NLRP3: variants seen among roughly 807,000 people sequenced by gnomAD.
NLRP3 encodes the protein NACHT, LRR and PYD domains-containing protein 3.
A neutral mutation model predicts 91.3 loss-of-function variants in NLRP3; 48 were observed. The observed-to-expected ratio is 0.53, with a 90% CI of 0.42 to 0.67. NLRP3 has a LOEUF of 0.67. Ranked by LOEUF, NLRP3 falls within the 30% of genes least tolerant of loss-of-function variation. The pLI, the probability that NLRP3 is intolerant of heterozygous loss-of-function variation, is 0.00. For synonymous variants in NLRP3, 561 were observed against 507.9 expected, an observed-to-expected ratio of 1.10 and a Z score of -1.41; for missense variants, 982 against 1,276.9, an observed-to-expected ratio of 0.77 and a Z score of 3.52.
intron 6 of NLRP3, 98 bp downstream of exon 6, chr1:247,434,371 T>C: frequency 1.5e-6 from 2 of 1,334,202 alleles, no homozygotes; most frequent in Non-Finnish European, 2.2e-6. Context: ...TGAGTGAGAA[T>C]GGCCTTGGCG....
Position 247,444,027 on chromosome 1 carries a change from A to G in NLRP3, c.2719A>G (p.Ser907Gly), listed in dbSNP as rs1289795734. 6.2e-7 allele frequency: 1 copy of G among 1,614,212 alleles called. No individual in the cohort carries two copies. The highest frequency in any genetic ancestry group is 1.1e-5 in the South Asian group (1 of 91,082). ...VCCSALSSVL[S>G]TNQNLTHLYL... ...TTGTTCAGCTTTGTCCTCGGTACTC[A>G]GCACTAATCAGAATCTCACGCACCT... The change falls in exon 8 of 10, where the codon AGC (serine) becomes GGC (glycine). Residue 907 changes from serine to glycine, a missense_variant. Transcript: ENST00000336119.
chr1:247,416,968 G>A (rs1662109884), intron 1 of NLRP3, among the ~76,000 whole-genome samples: 1 of 152,168 alleles, frequency 6.6e-6, no homozygotes, highest in African/African-American at 2.4e-5. Context: ...AGGGATCAAG[G>A]AGGGAACAAT....
In NLRP3 at chr1:247,448,516, G is replaced by C; in HGVS notation, c.*12G>C. On this transcript the variant is annotated 3_prime_UTR_variant, in exon 10 of 10. Transcript: ENST00000336119. ...AGCCTTCTTGGTAGGAGTGGAAACGGGGCTGCCAGACGCCAGTGTTCTCCG... is the reference window on the plus strand; with the variant it reads ...AGCCTTCTTGGTAGGAGTGGAAACGCGGCTGCCAGACGCCAGTGTTCTCCG... The C allele has an allele frequency of 6.4e-7, 1 of 1,555,394 alleles. No homozygotes were observed. Among genetic ancestry groups the C allele is most frequent in the Non-Finnish European group, 8.9e-7 (1 of 1,126,394 alleles).
chr1:247,430,049 T>A (rs1253279572), intron 5 of NLRP3, among the ~76,000 whole-genome samples: 1 of 152,026 alleles, frequency 6.6e-6, no homozygotes, highest in Non-Finnish European at 1.5e-5. Flanking sequence ...TAATTTTTTG[T>A]ATTTTTAGTA....
At chr1:247,440,529 T>C (rs1442771008) in intron 7 of NLRP3, among the ~76,000 whole-genome samples, 1 of 152,228 alleles carries the variant, frequency 6.6e-6, no homozygotes, top group Non-Finnish European at 1.5e-5. Flanking sequence ...CACAAGGCTG[T>C]CCCTGATACT....
At chr1:247,447,972 A>T (rs1419983626) in intron 9 of NLRP3, among the ~76,000 whole-genome samples, 1 of 151,140 alleles carries the variant, frequency 6.6e-6, no homozygotes, top group African/African-American at 2.4e-5. Flanking sequence ...CCAACTAGAT[A>T]GTTAAAAATA....
At position 247,418,747 on chromosome 1, in the gene NLRP3, G is replaced by T. The variant is rs1338377176; in HGVS notation, c.-54G>T. On this transcript the variant is annotated 5_prime_UTR_variant, in exon 2 of 10. Transcript: ENST00000336119. Reference sequence around the variant, plus strand: ...CATCCGTGTGCCGTGTTCACTGCCTGGTATCTTAGTGTGGACCGAAGCCTA... The same window carrying T: ...CATCCGTGTGCCGTGTTCACTGCCTTGTATCTTAGTGTGGACCGAAGCCTA... 1 of 1,609,084 alleles carries T rather than the reference G, an allele frequency of 6.2e-7. No homozygotes were observed. Among genetic ancestry groups the T allele is most frequent in the Non-Finnish European group, 8.5e-7 (1 of 1,177,124 alleles).
Position 247,418,643 on chromosome 1 carries a change from T to C in NLRP3, c.-158T>C. 1 of 920,376 alleles carries C rather than the reference T, an allele frequency of 1.1e-6. No individual in the cohort carries two copies. The highest frequency in any genetic ancestry group is 1.5e-5 in the South Asian group (1 of 67,988). 57.0% of individuals were successfully genotyped at this position (920,376 alleles called of 1,614,324 possible). ...AATTAAAGATTTTGACTTGTTACAGTCATGTGACATTTTTTTCTTTCTGTT... is the reference window on the plus strand; with the variant it reads ...AATTAAAGATTTTGACTTGTTACAGCCATGTGACATTTTTTTCTTTCTGTT... On this transcript the variant is annotated 5_prime_UTR_variant, in exon 2 of 10. Transcript: ENST00000336119.
intron 7 of NLRP3, among the ~76,000 whole-genome samples, chr1:247,440,067 T>C (rs1418069131): frequency 6.6e-6 from 1 of 151,968 alleles, no homozygotes; most frequent in African/African-American, 2.4e-5. Flanking sequence ...GTGTGTTAGG[T>C]ATAGCCTATG....
rs1450171900 is a variant in NLRP3, at chr1:247,444,724, C to T, written c.2908C>T (p.Arg970Ter). The T allele has an allele frequency of 3.7e-6, 6 of 1,614,114 alleles. No homozygotes were observed. Among genetic ancestry groups the T allele is most frequent in the East Asian group, 2.2e-5 (1 of 44,884 alleles). The change falls in exon 9 of 10, where the codon CGA becomes TGA. Residue 970 changes from arginine to a stop codon, truncating the protein, a stop_gained. Coordinates refer to ENST00000336119, the MANE Select transcript of NLRP3 (RefSeq NM_001243133.2). LOFTEE classifies it high-confidence loss of function. ...ACTTCTGACCTCCAGCCAGAGCCTG[C>T]GAAAGCTGAGCCTGGGCAACAATGA... ...STLLTSSQSLRKLSLGNNDLG... is the reference protein window; with the variant it reads ...STLLTSSQSL
rs1053157243 is a variant in NLRP3, at chr1:247,432,093, T to C, written c.2322-2010T>C. ...AGGGACAAGGTTTCACCGTATTGGCTAGGCTGGTCTCAAACTCCTGACCTC... is the reference window on the plus strand; with the variant it reads ...AGGGACAAGGTTTCACCGTATTGGCCAGGCTGGTCTCAAACTCCTGACCTC... On this transcript the variant is annotated intron_variant, in intron 5 of 9. Transcript: ENST00000336119. Among the ~76,000 whole-genome samples, 111 of 152,168 alleles carry C rather than the reference T, an allele frequency of 7.3e-4. 3 individuals are homozygous for C. The highest frequency in any genetic ancestry group is 5.3e-4 in the Non-Finnish European group (36 of 68,010).
rs76317059 is a variant in NLRP3 at position 247,434,035 on chromosome 1, T to C, written c.2322-68T>C. 9,106 of 740,572 alleles carry C rather than the reference T, an allele frequency of 0.012. 1,373 individuals are homozygous for C. Among genetic ancestry groups the C allele is most frequent in the Admixed American group, 0.041 (1,329 of 32,472 alleles). 45.9% of individuals were successfully genotyped at this position (740,572 alleles called of 1,614,324 possible). The stretch of plus-strand genomic sequence containing the variant: ...TTCCTGATCAGGTGTGTCCTGATGC[T>C]TCCTCTGTTCTGGAGCTCTCTGGTC... On this transcript the variant is annotated intron_variant, in intron 5 of 9. Transcript: ENST00000336119.
chr1:247,445,985 TAAACCTCTC>T (rs1255913356), intron 9 of NLRP3, among the ~76,000 whole-genome samples: 1 of 152,164 alleles, frequency 6.6e-6, no homozygotes, highest in East Asian at 1.9e-4. Flanking sequence ...GAAGGTTTAA[TAAACCTCTC>T]AAACGTCACA....
chr1:247,424,632 A>G lies in NLRP3; in HGVS notation c.1183A>G (p.Ser395Gly), dbSNP rs747102656. ...SDEAQARAAF[S>G]LIQENEVLFT... is the part of the protein sequence containing the mutation. ...TGAGGCCCAAGCCAGGGCAGCCTTCAGTCTGATTCAGGAGAACGAGGTCCT... is the reference window on the plus strand; with the variant it reads ...TGAGGCCCAAGCCAGGGCAGCCTTCGGTCTGATTCAGGAGAACGAGGTCCT... The change falls in exon 4 of 10, where the codon AGT (serine) becomes GGT (glycine). Residue 395 changes from serine to glycine, a missense_variant. Physicochemically the swap from Ser to Gly is moderately conservative, Grantham distance 56 (BLOSUM62 0). This residue lies in a region of NLRP3 where 548 missense variants were observed against 713.7 expected (regional missense o/e 0.77). Coordinates refer to ENST00000336119, the MANE Select transcript of NLRP3 (RefSeq NM_001243133.2). This position sits in a 1 kb window ranked among gnomAD's most constrained non-coding sequence, Gnocchi z 8.1. 8 of 1,614,262 alleles carry G rather than the reference A, an allele frequency of 5.0e-6. No homozygotes were observed. In the South Asian group the frequency reaches 8.8e-5, roughly 18 times the overall value.
chr1:247,429,779 G>A (rs745857005), intron 5 of NLRP3, 24 bp downstream of exon 5: 4 of 1,612,466 alleles, frequency 2.5e-6, no homozygotes, highest in South Asian at 1.1e-5. Context: ...CATGTGATCT[G>A]TGTGAGTGCA....
At chr1:247,417,954 G>A (rs781263194) in intron 1 of NLRP3, 99 bp from the exon 2 acceptor site, 4 of 152,062 alleles carry the variant, frequency 2.6e-5, no homozygotes, top group African/African-American at 9.7e-5. Flanking sequence ...TCCTTCTATT[G>A]TCTCTCATCC....
intron 8 of NLRP3, 126 bp downstream of exon 8, chr1:247,444,268 G>C (rs1664446735): frequency 2.9e-6 from 3 of 1,019,018 alleles, no homozygotes; most frequent in Middle Eastern, 2.6e-4. Context: ...TGTTTGCCTT[G>C]TTACAGGATC....
intron 1 of NLRP3, among the ~76,000 whole-genome samples, chr1:247,416,489 G>A (rs1234004863): frequency 2.0e-5 from 3 of 152,188 alleles, no homozygotes; most frequent in Non-Finnish European, 2.9e-5. Flanking sequence ...GGGAGAAGAT[G>A]GATGGGATAT....
Position 247,424,721 on chromosome 1 carries a change from G to A in NLRP3, c.1272G>A (p.Met424Ile). The A allele has an allele frequency of 1.2e-6, 2 of 1,614,104 alleles. No homozygotes were observed. The highest frequency in any genetic ancestry group is 2.2e-5 in the East Asian group (1 of 44,882). ...WIVCTGLKQQMESGKSLAQTS... is the reference protein window; with the variant it reads ...WIVCTGLKQQIESGKSLAQTS... ...TGTGCACTGGACTGAAACAGCAGAT[G>A]GAGAGTGGCAAGAGCCTTGCCCAGA... The change falls in exon 4 of 10, where the codon ATG (methionine) becomes ATA (isoleucine). Residue 424 changes from methionine to isoleucine, a missense_variant. Met to Ile is a conservative substitution (Grantham distance 10, BLOSUM62 1). Around this residue, in one of 5 missense-constraint regions of NLRP3, gnomAD observed 548 missense variants for 713.7 expected, o/e 0.77. Transcript: ENST00000336119. This position sits in a 1 kb window ranked among gnomAD's most constrained non-coding sequence, Gnocchi z 8.1.
Sources: gnomAD v4.1 joint callset for allele counts (sites outside exome capture counted in the v4.1 genomes callset) on GRCh38, gnomAD v4.1.1 for gene constraint, gnomAD v4.1.1 regional missense constraint, Gnocchi (gnomAD v3.1) non-coding constraint, MANE v1.5 for transcripts, NCBI Gene and HGNC (gene_info 2026-07-23, HGNC 2026-07-21) for gene names.